FUT8: variants seen among roughly 807,000 people sequenced by gnomAD.
FUT8 encodes the protein alpha-(1,6)-fucosyltransferase.
In FUT8, 29 loss-of-function variants were observed where a neutral mutation model predicts 71.3. The ratio of observed to expected loss-of-function variants is 0.41; its 90% CI spans 0.30 to 0.55. The LOEUF (loss-of-function observed/expected upper bound fraction) is 0.55. Ranked by LOEUF, FUT8 falls within the 20% of genes least tolerant of loss-of-function variation. The pLI, the probability that FUT8 is intolerant of heterozygous loss-of-function variation, is 0.34. For missense variants in FUT8, 544 were observed against 702.1 expected (o/e 0.77, Z 2.55); for synonymous variants, 254 against 239.3 (o/e 1.06, Z -0.57).
At chr14:65,494,601 T>C (rs1004162508) in intron 2 of FUT8, among the ~76,000 whole-genome samples, 3 of 152,104 alleles carry the variant, frequency 2.0e-5, no homozygotes, top group Admixed American at 1.3e-4. Flanking sequence ...TATTTTTTAT[T>C]TTTTAAATTT....
chr14:65,733,106 C>T (rs1332013745), intron 9 of FUT8, 125 bp from the exon 10 acceptor site: 5 of 552,350 alleles, frequency 9.1e-6, no homozygotes, highest in East Asian at 3.1e-5. Flanking sequence ...TCATCAACTA[C>T]AGTATTAAAT....
At chr14:65,572,089 A>G (rs932006265) in intron 3 of FUT8, among the ~76,000 whole-genome samples, 18 of 152,298 alleles carry the variant, frequency 1.2e-4, no homozygotes, top group African/African-American at 3.9e-4. Flanking sequence ...AATCCTATTC[A>G]TAGGAGAGTT....
intron 7 of FUT8, among the ~76,000 whole-genome samples, chr14:65,683,526 TATA>T (rs1339004418): frequency 1.6e-4 from 24 of 152,304 alleles, no homozygotes; most frequent in African/African-American, 5.1e-4. Flanking sequence ...GTGCCAAAAA[TATA>T]ATAACACTGC....
At position 65,447,085 on chromosome 14, in the gene FUT8, T is replaced by G. The variant is rs2065753861; in HGVS notation, c.-325-8536T>G. On this transcript the variant is annotated intron_variant, in intron 1 of 10. Coordinates refer to ENST00000673929, the MANE Select transcript of FUT8 (RefSeq NM_001371533.1). ...TCCTATAAATGTTGTAACCTTTCTT[T>G]ATTTTCATGTTTTTCCCTTCTGGGT... Among the ~76,000 whole-genome samples the G allele has an allele frequency of 2.0e-5, 3 of 152,148 alleles. No homozygotes were observed. The South Asian group carries it at 6.2e-4, about 32-fold the overall frequency.
chr14:65,704,600 G>T (rs1483742897), intron 7 of FUT8, among the ~76,000 whole-genome samples: 5 of 152,116 alleles, frequency 3.3e-5, no homozygotes, highest in African/African-American at 1.2e-4. Context: ...TGGACTCATA[G>T]GGTCTTATGA....
intron 1 of FUT8, among the ~76,000 whole-genome samples, chr14:65,415,628 C>T (rs973216794): frequency 6.7e-6 from 1 of 150,250 alleles, no homozygotes; most frequent in Non-Finnish European, 1.5e-5. Context: ...CTTATATGGG[C>T]GAAGGTATTA....
chr14:65,613,782 G>A (rs1167660802), intron 3 of FUT8, among the ~76,000 whole-genome samples: 5 of 152,064 alleles, frequency 3.3e-5, no homozygotes, highest in African/African-American at 1.2e-4. Flanking sequence ...TGTTAGAGAA[G>A]CTATAAAAAA....
rs12433051 is a variant in FUT8 at position 65,427,262 on chromosome 14, A to C, written c.-326+14048A>C. Among the ~76,000 whole-genome samples the C allele has an allele frequency of 5.8e-3, 878 of 152,304 alleles. 34 individuals are homozygous for C. The East Asian group carries it at 0.093, about 16-fold the overall frequency. ...AATGCTTTCATGAACATTGGAGTGC[A>C]GATACCTCCTTGACATACTGATTTC... On this transcript the variant is annotated intron_variant, in intron 1 of 10. Transcript: ENST00000673929.
At chr14:65,705,375 T>G (rs1894505451) in intron 7 of FUT8, among the ~76,000 whole-genome samples, 1 of 152,208 alleles carries the variant, frequency 6.6e-6, no homozygotes, top group Non-Finnish European at 1.5e-5. Context: ...TCATCATTGT[T>G]GAAATCCCAA....
chr14:65,410,838 T>G (rs1239779995), upstream of FUT8: 1 of 152,136 alleles, frequency 6.6e-6, no homozygotes, highest in Non-Finnish European at 1.5e-5. Context: ...AAGTGGCTAC[T>G]GACAGGCACG....
At chr14:65,690,263 C>T (rs967679398) in intron 7 of FUT8, among the ~76,000 whole-genome samples, 1 of 152,062 alleles carries the variant, frequency 6.6e-6, no homozygotes, top group Non-Finnish European at 1.5e-5. Context: ...ATCACACTGT[C>T]TTGATTACTT....
At chr14:65,416,131 A>T (rs2065215793) in intron 1 of FUT8, among the ~76,000 whole-genome samples, 2 of 152,196 alleles carry the variant, frequency 1.3e-5, no homozygotes. Flanking sequence ...TGCATTTAAT[A>T]AATCTCTTGA....
intron 9 of FUT8, among the ~76,000 whole-genome samples, chr14:65,724,946 T>C (rs572496725): frequency 3.9e-5 from 6 of 152,194 alleles, no homozygotes; most frequent in South Asian, 2.1e-4. Context: ...CACCATCACA[T>C]TGGGGTTAGG....
the FUT8 span, among the ~76,000 whole-genome samples, chr14:65,359,821 G>T: frequency 6.6e-6 from 1 of 151,988 alleles, no homozygotes; most frequent in East Asian, 1.9e-4. Flanking sequence ...TTGCATCCCT[G>T]CAAGGCACAC....
intron 6 of FUT8, chr14:65,646,013 G>A (rs1407034725): frequency 2.0e-5 from 3 of 152,130 alleles, no homozygotes; most frequent in Non-Finnish European, 4.4e-5. Flanking sequence ...TAATACCGAC[G>A]CTGGAAAACT....
intron 1 of FUT8, among the ~76,000 whole-genome samples, chr14:65,440,037 A>G (rs1197177330): frequency 1.4e-5 from 2 of 145,094 alleles, no homozygotes; most frequent in African/African-American, 5.0e-5. Context: ...AGGAGAAGGA[A>G]GTCTTGATAT....
chr14:65,429,959 G>T (rs559362443), intron 1 of FUT8, among the ~76,000 whole-genome samples: 1 of 150,586 alleles, frequency 6.6e-6, no homozygotes, highest in Non-Finnish European at 1.5e-5. Flanking sequence ...CAGTGTCAGC[G>T]TTATGGAAAT....
At chr14:65,501,282 T>A (rs1347845854) in intron 2 of FUT8, among the ~76,000 whole-genome samples, 4 of 152,148 alleles carry the variant, frequency 2.6e-5, no homozygotes, top group Admixed American at 2.6e-4. Flanking sequence ...TATACAGGTA[T>A]TGGAGGGCTG....
At chr14:65,689,288 A>T (rs1439854381) in intron 7 of FUT8, among the ~76,000 whole-genome samples, 1 of 152,184 alleles carries the variant, frequency 6.6e-6, no homozygotes, top group East Asian at 1.9e-4. Flanking sequence ...CTTGTTTGTC[A>T]TCTGTACATC....
Sources: gnomAD v4.1 joint callset for allele counts (sites outside exome capture counted in the v4.1 genomes callset) on GRCh38, gnomAD v4.1.1 for gene constraint, MANE v1.5 for transcripts, NCBI Gene and HGNC (gene_info 2026-07-23, HGNC 2026-07-21) for gene names.